The following SNX3 variants were observed in gnomAD, a reference collection of about 807,000 sequenced individuals.
SNX3 encodes the protein sorting nexin-3.
Under a neutral mutation model 17.7 loss-of-function variants are expected in SNX3, and 5 were observed. The observed-to-expected ratio is 0.28, with a 90% CI of 0.15 to 0.59. The LOEUF (loss-of-function observed/expected upper bound fraction) is 0.59, where lower values mean the gene tolerates loss of function less well. SNX3 is among the 20% of genes least tolerant of loss of function. The pLI, the probability that SNX3 is intolerant of heterozygous loss-of-function variation, is 0.88. For missense variants in SNX3, 132 were observed against 206.8 expected (o/e 0.64, Z 2.22); for synonymous variants, 91 against 76.5 (o/e 1.19, Z -0.99).
chr6:108,228,119 A>C (rs1034585955), intron 1 of SNX3, among the ~76,000 whole-genome samples: 1 of 152,194 alleles, frequency 6.6e-6, no homozygotes, highest in Non-Finnish European at 1.5e-5. Flanking sequence ...ATGGTTAAAA[A>C]TACTACAAAC....
intron 1 of SNX3, among the ~76,000 whole-genome samples, chr6:108,231,662 C>CT (rs1775163152): frequency 6.6e-6 from 1 of 152,184 alleles, no homozygotes; most frequent in Non-Finnish European, 1.5e-5. Flanking sequence ...TTTTCCCCAC[C>CT]TTTTAATTCC....
At chr6:108,222,152 C>A (rs1280456208) in intron 2 of SNX3, 7 of 1,198,512 alleles carry the variant, frequency 5.8e-6, no homozygotes, top group Non-Finnish European at 7.6e-6. Context: ...AAAAAGAAAA[C>A]CCTTATTAAA....
Position 108,212,168 on chromosome 6 carries a change from G to C in SNX3, c.470C>G (p.Ser157Cys), listed in dbSNP as rs756751615. The change falls in exon 4 of 4, where the codon TCT (serine) becomes TGT (cysteine). Residue 157 changes from serine to cysteine, a missense_variant. Transcript: ENST00000230085. ...DEIIDKSYTPSKIRHA is the reference protein window; with the variant it reads ...DEIIDKSYTPCKIRHA Reference sequence around the variant, plus strand: ...CAAATTTCAGGCATGTCTTATTTTAGATGGAGTATAGCTTTTATCTATTAT... The same window carrying C: ...CAAATTTCAGGCATGTCTTATTTTACATGGAGTATAGCTTTTATCTATTAT... 1.1e-5 allele frequency: 17 copies of C among 1,601,390 alleles called. No homozygotes were observed.
chr6:108,218,211 T>C (rs955756184), intron 2 of SNX3, among the ~76,000 whole-genome samples: 17 of 152,092 alleles, frequency 1.1e-4, no homozygotes, highest in Admixed American at 2.0e-4. Flanking sequence ...GATGAACCCA[T>C]TGAAAAAGGC....
intron 1 of SNX3, among the ~76,000 whole-genome samples, 173 bp downstream of exon 1, chr6:108,260,587 C>G (rs1430762576): frequency 6.6e-6 from 1 of 152,182 alleles, no homozygotes; most frequent in Non-Finnish European, 1.5e-5. Flanking sequence ...CTGCAGCCCC[C>G]CACACCAGCC....
chr6:108,249,040 A>AT (rs1430288391), intron 1 of SNX3, among the ~76,000 whole-genome samples: 1 of 152,202 alleles, frequency 6.6e-6, no homozygotes, highest in Admixed American at 6.5e-5. Context: ...GCCATATTAC[A>AT]TAGGGGGTTA....
Position 108,221,532 on chromosome 6 carries a change from CTTTTTTTTTTTTTT to C in SNX3, c.258+1404_258+1417del, listed in dbSNP as rs554429322. On this transcript the variant is annotated intron_variant, in intron 2 of 3. Transcript: ENST00000230085. ...GTATTACAAGGAATACAGTATTACA[CTTTTTTTTTTTTTT>C]TTTTTTTTTTTTTTTTTGAGACAGG... Among the ~76,000 whole-genome samples, 477 of 57,794 alleles carry C rather than the reference CTTTTTTTTTTTTTT, an allele frequency of 8.3e-3. 6 individuals carry two copies. The highest frequency in any genetic ancestry group is 0.065 in the Middle Eastern group (3 of 46). 37.9% of individuals were successfully genotyped at this position (57,794 alleles called of 152,430 possible).
intron 1 of SNX3, among the ~76,000 whole-genome samples, chr6:108,227,455 T>C (rs1051805598): frequency 6.6e-6 from 1 of 152,196 alleles, no homozygotes; most frequent in Non-Finnish European, 1.5e-5. Context: ...TTACCTTCCA[T>C]TTTCCCTTTT....
intron 1 of SNX3, among the ~76,000 whole-genome samples, chr6:108,232,188 A>G (rs1291417121): frequency 1.3e-5 from 2 of 152,182 alleles, no homozygotes; most frequent in Admixed American, 1.3e-4. Context: ...CAGGAACAAA[A>G]CTGCAAAGCA....
chr6:108,236,101 G>A (rs959447852), intron 1 of SNX3, among the ~76,000 whole-genome samples: 2 of 152,078 alleles, frequency 1.3e-5, no homozygotes, highest in Admixed American at 6.6e-5. Flanking sequence ...CTATGCTAAA[G>A]AAAGGTAAGA....
At chr6:108,227,078 G>T (rs1774995410) in intron 1 of SNX3, among the ~76,000 whole-genome samples, 1 of 152,164 alleles carries the variant, frequency 6.6e-6, no homozygotes, top group African/African-American at 2.4e-5. Context: ...CTGGAGAGTA[G>T]AATAATTCCC....
intron 1 of SNX3, among the ~76,000 whole-genome samples, chr6:108,241,490 T>C (rs142692861): frequency 4.1e-4 from 63 of 152,008 alleles, no homozygotes; most frequent in African/African-American, 1.4e-3. Flanking sequence ...ATCCTGTCTC[T>C]TAAAAAAAGA....
At chr6:108,226,205 G>C (rs1418372344) in intron 1 of SNX3, among the ~76,000 whole-genome samples, 1 of 152,086 alleles carries the variant, frequency 6.6e-6, no homozygotes, top group Non-Finnish European at 1.5e-5. Context: ...CCCCTGTGTA[G>C]CTCAGACTAT....
At chr6:108,250,635 G>A (rs1357044063) in intron 1 of SNX3, among the ~76,000 whole-genome samples, 1 of 152,182 alleles carries the variant, frequency 6.6e-6, no homozygotes, top group Non-Finnish European at 1.5e-5. Context: ...AGACAAGAGA[G>A]GGGTGAGATA....
intron 1 of SNX3, among the ~76,000 whole-genome samples, chr6:108,232,859 A>C (rs1775214038): frequency 6.6e-6 from 1 of 152,260 alleles, no homozygotes; most frequent in Non-Finnish European, 1.5e-5. Context: ...AATCTGGAAC[A>C]GCATGAATAA....
intron 3 of SNX3, among the ~76,000 whole-genome samples, chr6:108,212,596 C>G (rs1334884662): frequency 6.6e-6 from 1 of 152,124 alleles, no homozygotes; most frequent in Admixed American, 6.6e-5. Context: ...CCTCAGCCTC[C>G]CAAAGTGCTG....
chr6:108,245,888 G>A (rs930851100), intron 1 of SNX3, among the ~76,000 whole-genome samples: 3 of 152,142 alleles, frequency 2.0e-5, no homozygotes, highest in Non-Finnish European at 2.9e-5. Context: ...CTCCCATTCT[G>A]TAGGTTGCCT....
chr6:108,229,130 C>G (rs1437448006), intron 1 of SNX3, among the ~76,000 whole-genome samples: 1 of 151,610 alleles, frequency 6.6e-6, no homozygotes, highest in African/African-American at 2.4e-5. Context: ...TGAGGTGGCA[C>G]GAGCCTGTAA....
At chr6:108,231,149 G>A (rs1361139169) in intron 1 of SNX3, among the ~76,000 whole-genome samples, 1 of 151,484 alleles carries the variant, frequency 6.6e-6, no homozygotes, top group African/African-American at 2.4e-5. Context: ...TTGTCACTCA[G>A]GCTGGAGTGC....
Sources: gnomAD v4.1 joint callset for allele counts (sites outside exome capture counted in the v4.1 genomes callset) on GRCh38, gnomAD v4.1.1 for gene constraint, MANE v1.5 for transcripts, NCBI Gene and HGNC (gene_info 2026-07-23, HGNC 2026-07-21) for gene names.